LARGE1: variants seen among roughly 807,000 people sequenced by gnomAD.
LARGE1 encodes xylosyl- and glucuronyltransferase LARGE1.
LARGE1 carries 43 observed loss-of-function variants against 87.6 expected under a neutral mutation model. That is an observed-to-expected ratio of 0.49 (90% CI 0.38 to 0.63). LARGE1 has a LOEUF of 0.63. Among genes scored for constraint, LARGE1 ranks in the 30% least tolerant of loss-of-function variants. The probability of loss-of-function intolerance (pLI) is 0.00; values close to 1 mark genes in which losing one functional copy is unlikely to be tolerated. For synonymous variants in LARGE1, 434 were observed against 394.6 expected, an observed-to-expected ratio of 1.10 and a Z score of -1.18; for missense variants, 802 against 1,000.2, an observed-to-expected ratio of 0.80 and a Z score of 2.67.
intron 2 of LARGE1, among the ~76,000 whole-genome samples, chr22:33,720,611 G>C (rs1250207221): frequency 6.6e-6 from 1 of 152,164 alleles, no homozygotes; most frequent in African/African-American, 2.4e-5. Flanking sequence ...TCTTTACTGA[G>C]AGTGACTGCA....
At chr22:33,341,390 A>G (rs16992180) in intron 9 of LARGE1, among the ~76,000 whole-genome samples, 1,728 of 152,142 alleles carry the variant, frequency 0.011, 10 homozygotes, top group South Asian at 0.022. Flanking sequence ...GGGTATCCAC[A>G]GCTCAGTCAC....
chr22:33,380,083 GC>G (rs1400420315), intron 9 of LARGE1, among the ~76,000 whole-genome samples: 17 of 152,224 alleles, frequency 1.1e-4, no homozygotes, highest in Admixed American at 4.6e-4. Context: ...ATTGTTTCTG[GC>G]CTTTGCTTTC....
At chr22:33,614,916 C>G (rs1455804009) in intron 4 of LARGE1, among the ~76,000 whole-genome samples, 1 of 152,230 alleles carries the variant, frequency 6.6e-6, no homozygotes, top group Non-Finnish European at 1.5e-5. Flanking sequence ...CAGGGTTGAG[C>G]ATGCTCTCCT....
chr22:33,230,639 A>G (rs1278758252), intron 11 of LARGE1, among the ~76,000 whole-genome samples: 1 of 152,220 alleles, frequency 6.6e-6, no homozygotes, highest in Admixed American at 6.5e-5. Flanking sequence ...TCTCAGAGAT[A>G]GGTGGGGCTC....
At chr22:33,223,074 C>A (rs1925538374) in intron 11 of LARGE1, among the ~76,000 whole-genome samples, 1 of 152,148 alleles carries the variant, frequency 6.6e-6, no homozygotes, top group Non-Finnish European at 1.5e-5. Flanking sequence ...AATAAACGTG[C>A]CTTATTCAGG....
At chr22:33,788,843 GT>G (rs1368864435) in intron 1 of LARGE1, among the ~76,000 whole-genome samples, 1 of 152,190 alleles carries the variant, frequency 6.6e-6, no homozygotes, top group Non-Finnish European at 1.5e-5. Context: ...AAAGCATTCA[GT>G]TTTAAGTATT....
At chr22:33,292,093 C>A (rs1015827026) in intron 12 of LARGE1, among the ~76,000 whole-genome samples, 1 of 151,894 alleles carries the variant, frequency 6.6e-6, no homozygotes, top group Non-Finnish European at 1.5e-5. Context: ...GACTCTGTCT[C>A]AAAACAAAAA....
intron 5 of LARGE1, among the ~76,000 whole-genome samples, chr22:33,595,925 A>G (rs2078964727): frequency 6.6e-6 from 1 of 152,224 alleles, no homozygotes; most frequent in Non-Finnish European, 1.5e-5. Flanking sequence ...AGAATGAAAA[A>G]GATGAAGATT....
intron 2 of LARGE1, among the ~76,000 whole-genome samples, chr22:33,664,323 AC>A (rs2081209455): frequency 1.3e-5 from 2 of 152,034 alleles, no homozygotes; most frequent in African/African-American, 4.8e-5. Flanking sequence ...TTTGCTCCCC[AC>A]TGCACAGGCC....
intron 6 of LARGE1, among the ~76,000 whole-genome samples, chr22:33,519,364 G>A (rs2071463520): frequency 6.6e-6 from 1 of 152,084 alleles, no homozygotes; most frequent in Non-Finnish European, 1.5e-5. Flanking sequence ...CAGAGACAAT[G>A]AGTTTAAAAG....
chr22:33,754,991 C>G (rs1049098745), intron 2 of LARGE1, among the ~76,000 whole-genome samples: 2 of 152,186 alleles, frequency 1.3e-5, no homozygotes, highest in African/African-American at 4.8e-5. Flanking sequence ...TGCACCACCC[C>G]CATCCCGCCT....
chr22:33,351,940 T>C (rs533562243), intron 9 of LARGE1, among the ~76,000 whole-genome samples: 2 of 152,176 alleles, frequency 1.3e-5, no homozygotes, highest in Non-Finnish European at 2.9e-5. Flanking sequence ...GGCTTCACCA[T>C]GTTGGCCAAG....
intron 1 of LARGE1, among the ~76,000 whole-genome samples, chr22:33,793,826 C>T (rs2085896672): frequency 6.6e-6 from 1 of 151,806 alleles, no homozygotes; most frequent in African/African-American, 2.4e-5. Flanking sequence ...CTTATTGCCT[C>T]TCTGTCATAA....
At chr22:33,303,914 C>T (rs543530034) in intron 12 of LARGE1, among the ~76,000 whole-genome samples, 3 of 152,110 alleles carry the variant, frequency 2.0e-5, no homozygotes, top group East Asian at 1.9e-4. Flanking sequence ...AGAGCCATCG[C>T]GTGCCTGCCT....
intron 3 of LARGE1, among the ~76,000 whole-genome samples, chr22:33,635,222 G>A (rs967398957): frequency 9.9e-5 from 15 of 152,120 alleles, no homozygotes; most frequent in Non-Finnish European, 1.9e-4. Flanking sequence ...AATGCAGACC[G>A]TACAGGGGAT....
intron 6 of LARGE1, among the ~76,000 whole-genome samples, chr22:33,439,146 G>A (rs549746368): frequency 8.6e-5 from 13 of 151,732 alleles, no homozygotes; most frequent in South Asian, 6.3e-4. Context: ...CTTGGGAGGC[G>A]GAGGCTGCAG....
chr22:33,467,213 C>T (rs1392256464), intron 6 of LARGE1, among the ~76,000 whole-genome samples: 2 of 152,162 alleles, frequency 1.3e-5, no homozygotes, highest in Non-Finnish European at 2.9e-5. Context: ...ATAGCTGTAT[C>T]TGAATTTGTA....
chr22:33,294,746 C>G (rs1476424275), intron 12 of LARGE1, among the ~76,000 whole-genome samples: 2 of 152,130 alleles, frequency 1.3e-5, no homozygotes, highest in Non-Finnish European at 2.9e-5. Flanking sequence ...CTGGGGTGAG[C>G]CTCTGTTCAT....
At chr22:33,431,144 G>C (rs1400592719) in intron 7 of LARGE1, among the ~76,000 whole-genome samples, 1 of 152,196 alleles carries the variant, frequency 6.6e-6, no homozygotes, top group East Asian at 1.9e-4. Context: ...GGATGGAGGA[G>C]GGAGGCAGAA....
Sources: gnomAD v4.1 joint callset for allele counts (sites outside exome capture counted in the v4.1 genomes callset) on GRCh38, gnomAD v4.1.1 for gene constraint, MANE v1.5 for transcripts, NCBI Gene and HGNC (gene_info 2026-07-23, HGNC 2026-07-21) for gene names.